The following AK6 variants were observed in gnomAD, a reference collection of about 807,000 sequenced individuals.
AK6 encodes the protein adenylate kinase 6.
In AK6, 24 loss-of-function variants were observed where a neutral mutation model predicts 23.7. The observed-to-expected ratio is 1.01, with a 90% CI of 0.73 to 1.43. AK6 has a LOEUF of 1.43. AK6 is among the 40% of genes most tolerant of loss of function. The pLI is 0.00. For missense variants in AK6, 191 were observed against 199.1 expected (o/e 0.96, Z 0.24); for synonymous variants, 73 against 69.8 (o/e 1.05, Z -0.23).
intron 2 of AK6, chr5:69,365,473 T>C (rs1175507102): frequency 3.1e-6 from 5 of 1,614,154 alleles, no homozygotes; most frequent in Non-Finnish European, 4.2e-6. Context: ...AAAAAATCTC[T>C]TGGGGGAGGA....
intron 4 of AK6, among the ~76,000 whole-genome samples, chr5:69,352,507 A>C (rs1394365251): frequency 6.6e-6 from 1 of 152,022 alleles, no homozygotes; most frequent in Non-Finnish European, 1.5e-5. Context: ...CTACTCAATA[A>C]ATTCCCAATG....
chr5:69,365,837 A>T (rs1762398287), intron 2 of AK6: 21 of 1,062,304 alleles, frequency 2.0e-5, no homozygotes, highest in Non-Finnish European at 2.7e-5. Flanking sequence ...ACTTAAAAAA[A>T]TTTTAAATCT....
intron 1 of AK6, 94 bp downstream of exon 1, chr5:69,369,369 G>T: frequency 7.0e-7 from 1 of 1,424,490 alleles, no homozygotes; most frequent in Non-Finnish European, 9.5e-7. Flanking sequence ...TCTGAAGAGG[G>T]CAGTGAGGGG....
chr5:69,354,257 T>G (rs1406407263), intron 4 of AK6, among the ~76,000 whole-genome samples: 2 of 152,234 alleles, frequency 1.3e-5, no homozygotes, highest in Non-Finnish European at 2.9e-5. Context: ...AAAAAGCATA[T>G]GTACCATATA....
intron 2 of AK6, chr5:69,365,864 A>T: frequency 1.4e-6 from 1 of 728,762 alleles, no homozygotes; most frequent in Non-Finnish European, 2.0e-6. Flanking sequence ...AACTGTAAAA[A>T]AATTTTTAAA....
At chr5:69,364,841 TTAG>T in intron 2 of AK6, 4 of 1,011,898 alleles carry the variant, frequency 4.0e-6, no homozygotes, top group South Asian at 1.5e-5. Context: ...CTCATTATTA[TTAG>T]TTTTCTAAAA....
At chr5:69,363,717 G>A (rs1355021033) in intron 2 of AK6, among the ~76,000 whole-genome samples, 2 of 151,962 alleles carry the variant, frequency 1.3e-5, no homozygotes, top group African/African-American at 4.8e-5. Context: ...CTGGGAGGCA[G>A]AGCTTGCAGT....
At chr5:69,363,944 C>T (rs2150737059) in intron 2 of AK6, among the ~76,000 whole-genome samples, 1 of 151,634 alleles carries the variant, frequency 6.6e-6, no homozygotes, top group African/African-American at 2.4e-5. Context: ...AAAAATTAGC[C>T]AGGTGTGGTG....
In AK6 at chr5:69,352,094, C is replaced by G. The variant is rs145167990; in HGVS notation, c.486G>C (p.Trp162Cys). The G allele has an allele frequency of 1.5e-5, 24 of 1,612,324 alleles. No individual in the cohort carries two copies. Among genetic ancestry groups the G allele is most frequent in the Non-Finnish European group, 1.9e-5 (23 of 1,179,528 alleles). The change falls in exon 5 of 5, where the codon TGG (tryptophan) becomes TGC (cysteine). Residue 162 changes from tryptophan (W) to cysteine (C), a missense_variant. Physicochemically the swap from Trp to Cys is radical, Grantham distance 215 (BLOSUM62 -2). Transcript: ENST00000380822. ...LENNVDQILK[W>C]IEQWIKDHNS The stretch of plus-strand genomic sequence containing the variant: ...TATGATCTTTGATCCACTGCTCAAT[C>G]CATTTCAAGATCTGATCTACATTAT...
intron 2 of AK6, among the ~76,000 whole-genome samples, chr5:69,358,837 G>A (rs1216208829): frequency 6.6e-6 from 1 of 152,110 alleles, no homozygotes. Flanking sequence ...TTTGTTTAAG[G>A]ACTGAGAGAT....
Position 69,352,116 on chromosome 5 carries a change from T to C in AK6, c.464A>G (p.Asn155Ser), listed in dbSNP as rs571461768. Residue 155 changes from asparagine to serine, a missense_variant, in exon 5 of 5, where the codon AAT becomes AGT. Asn to Ser is a conservative substitution (Grantham distance 46). Transcript: ENST00000380822. ...PSNKPEELEN[N>S]VDQILKWIEQ... ...AATCCATTTCAAGATCTGATCTACATTATTTTCTAGCTCTTCTGGTTTATT... is the reference window on the plus strand; with the variant it reads ...AATCCATTTCAAGATCTGATCTACACTATTTTCTAGCTCTTCTGGTTTATT... 107 of 1,613,660 alleles carry C rather than the reference T, an allele frequency of 6.6e-5. 2 individuals are homozygous for C. Among genetic ancestry groups the C allele is most frequent in the South Asian group, 4.7e-4 (43 of 91,068 alleles).
chr5:69,362,814 C>A (rs1762276546), intron 2 of AK6, among the ~76,000 whole-genome samples: 1 of 152,122 alleles, frequency 6.6e-6, no homozygotes, highest in African/African-American at 2.4e-5. Context: ...GACCAGAAAT[C>A]TTTTATCTGG....
chr5:69,352,181 T>C lies in AK6; in HGVS notation c.399A>G (p.Thr133=), dbSNP rs762720150. The change falls in exon 5 of 5, where the codon ACA becomes ACG. Residue 133 remains threonine (T), a synonymous_variant. Coordinates refer to ENST00000380822, the MANE Select transcript of AK6 (RefSeq NM_016283.5). ...EIFQVLYEEA[T]ASYKEEIVHQ... is the part of the protein sequence containing the mutation. ...GCACGATTTCTTCCTTGTAGGATGC[T>C]GTGGCTTCTTCATAAAGAACTTGAA... 1.9e-6 allele frequency: 3 copies of C among 1,613,912 alleles called. No individual in the cohort carries two copies. The highest frequency in any genetic ancestry group is 1.7e-5 in the Admixed American group (1 of 59,996).
At chr5:69,360,141 T>C (rs929117547) in intron 2 of AK6, among the ~76,000 whole-genome samples, 7 of 152,116 alleles carry the variant, frequency 4.6e-5, no homozygotes, top group Non-Finnish European at 1.0e-4. Context: ...ATGGACTATG[T>C]GAGTAAAAAG....
At chr5:69,368,987 T>C (rs1162658449) in intron 1 of AK6, 1 of 163,172 alleles carries the variant, frequency 6.1e-6, no homozygotes, top group Non-Finnish European at 1.3e-5. Flanking sequence ...CGAAATCTAA[T>C]CTGAGGCGTT....
chr5:69,366,407 G>C (rs1281849860), intron 2 of AK6, 96 bp downstream of exon 2: 3 of 937,082 alleles, frequency 3.2e-6, no homozygotes, highest in Admixed American at 4.2e-5. Flanking sequence ...GGCAATCTCT[G>C]TTTTTTGTAC....
chr5:69,357,852 T>C (rs1006118754), intron 2 of AK6, among the ~76,000 whole-genome samples: 35 of 152,130 alleles, frequency 2.3e-4, no homozygotes, highest in Non-Finnish European at 8.8e-5. Context: ...TTACCAACTT[T>C]ATAACTTTAT....
At chr5:69,355,835 T>A in intron 3 of AK6, 41 bp from the exon 4 acceptor site, 1 of 1,596,628 alleles carries the variant, frequency 6.3e-7, no homozygotes, top group Non-Finnish European at 8.5e-7. Flanking sequence ...TTAAGAAAAC[T>A]GAAGTCAACT....
intron 2 of AK6, among the ~76,000 whole-genome samples, chr5:69,364,174 A>G (rs961022101): frequency 1.3e-5 from 2 of 151,860 alleles, no homozygotes; most frequent in African/African-American, 4.8e-5. Flanking sequence ...ACCTTGATAA[A>G]TTGACGTTCT....
Sources: gnomAD v4.1 joint callset for allele counts (sites outside exome capture counted in the v4.1 genomes callset) on GRCh38, gnomAD v4.1.1 for gene constraint, MANE v1.5 for transcripts, NCBI Gene and HGNC (gene_info 2026-07-23, HGNC 2026-07-21) for gene names.